The following ROBO1 variants were observed in gnomAD, a reference collection of about 807,000 sequenced individuals.
ROBO1 encodes the protein roundabout guidance receptor 1.
A neutral mutation model predicts 195.9 loss-of-function variants in ROBO1; 149 were observed. That is an observed-to-expected ratio of 0.76 (90% CI 0.67 to 0.87). ROBO1 has a LOEUF of 0.87. ROBO1 is among the 40% of genes least tolerant of loss of function. ROBO1 has a pLI of 0.00. For missense variants in ROBO1, 1,933 were observed against 2,068.3 expected (o/e 0.93, Z 1.27); for synonymous variants, 816 against 733.2 (o/e 1.11, Z -1.82).
At chr3:79,263,692 A>G (rs1472464285) in intron 2 of ROBO1, among the ~76,000 whole-genome samples, 2 of 151,902 alleles carry the variant, frequency 1.3e-5, no homozygotes, top group Non-Finnish European at 2.9e-5. Context: ...TTGCCTTTCG[A>G]TATTTTACTC....
In ROBO1 at chr3:78,618,017, T is replaced by C. The variant is rs760819159; in HGVS notation, c.3900A>G (p.Pro1300=). 6.2e-7 allele frequency: 1 copy of C among 1,613,012 alleles called. No individual in the cohort carries two copies. The highest frequency in any genetic ancestry group is 1.3e-5 in the African/African-American group (1 of 74,872). The change falls in exon 27 of 31, where the codon CCA becomes CCG. Residue 1300 remains proline, a synonymous_variant. Transcript: ENST00000464233. ...DRRRQPVSPP[P]PPRPISPPHT... ...GTGGAGGGGAGATCGGCCGTGGTGGTGGAGGAGGACTCACAGGCTGCCGTC... is the reference window on the plus strand; with the variant it reads ...GTGGAGGGGAGATCGGCCGTGGTGGCGGAGGAGGACTCACAGGCTGCCGTC...
intron 2 of ROBO1, among the ~76,000 whole-genome samples, chr3:79,195,696 G>T (rs1002079581): frequency 1.3e-5 from 2 of 151,162 alleles, no homozygotes; most frequent in African/African-American, 2.4e-5. Context: ...ACTTCCTATG[G>T]TCAATAAAAC....
At chr3:79,208,720 T>C (rs113152765) in intron 2 of ROBO1, among the ~76,000 whole-genome samples, 113 of 140,090 alleles carry the variant, frequency 8.1e-4, no homozygotes, top group Admixed American at 2.0e-3. Context: ...TGTGTGTGTG[T>C]GCGCCTGCAT....
At chr3:79,598,560 A>G (rs1483312578) in intron 1 of ROBO1, among the ~76,000 whole-genome samples, 1 of 151,970 alleles carries the variant, frequency 6.6e-6, no homozygotes, top group African/African-American at 2.4e-5. Context: ...AATTTATTTT[A>G]TTTCAATTTT....
intron 2 of ROBO1, among the ~76,000 whole-genome samples, chr3:79,464,758 AT>A (rs1330326940): frequency 6.6e-6 from 1 of 152,090 alleles, no homozygotes; most frequent in African/African-American, 2.4e-5. Flanking sequence ...AAATTCATCT[AT>A]TTTTTGTCAC....
chr3:79,129,723 A>G (rs911186646), intron 2 of ROBO1, among the ~76,000 whole-genome samples: 1 of 152,156 alleles, frequency 6.6e-6, no homozygotes, highest in Non-Finnish European at 1.5e-5. Context: ...TAACATATGC[A>G]TTACCTTACA....
At chr3:78,671,975 A>C (rs1708088112) in intron 10 of ROBO1, among the ~76,000 whole-genome samples, 1 of 152,192 alleles carries the variant, frequency 6.6e-6, no homozygotes, top group African/African-American at 2.4e-5. Flanking sequence ...TATAATTTAC[A>C]ATGTATACTT....
At chr3:79,618,820 G>GT (rs1251509922) in intron 1 of ROBO1, among the ~76,000 whole-genome samples, 1 of 152,124 alleles carries the variant, frequency 6.6e-6, no homozygotes, top group Non-Finnish European at 1.5e-5. Context: ...TGGGTAAGTG[G>GT]TTTTTTCACT....
At chr3:79,333,125 C>A (rs879527194) in intron 2 of ROBO1, among the ~76,000 whole-genome samples, 8 of 151,586 alleles carry the variant, frequency 5.3e-5, no homozygotes, top group Non-Finnish European at 1.2e-4. Context: ...ATTGCTTGAA[C>A]CTGAGAGGCG....
chr3:79,588,451 A>G (rs1041022790), intron 2 of ROBO1, among the ~76,000 whole-genome samples: 13 of 151,714 alleles, frequency 8.6e-5, no homozygotes, highest in African/African-American at 3.1e-4. Flanking sequence ...GTTGACCTGT[A>G]GGAGTTATTA....
intron 2 of ROBO1, among the ~76,000 whole-genome samples, chr3:79,178,297 C>T (rs2081288354): frequency 6.6e-6 from 1 of 152,036 alleles, no homozygotes; most frequent in Non-Finnish European, 1.5e-5. Flanking sequence ...TGAAAAATAG[C>T]AGTAAATGAA....
rs115299231 is a variant in ROBO1, at chr3:78,930,391, G to C, written c.499+8210C>G. Among the ~76,000 whole-genome samples the C allele has an allele frequency of 8.7e-3, 1,322 of 152,262 alleles. 22 individuals are homozygous for C. Among genetic ancestry groups the C allele is most frequent in the African/African-American group, 0.03 (1,266 of 41,532 alleles). ...CACAGACTGCAAGAGGCTAAACCCA[G>C]TACACTGGCCACATCATGGTTTTGG... On this transcript the variant is annotated intron_variant, in intron 4 of 30. Transcript: ENST00000464233.
chr3:79,135,645 T>C (rs932019808), intron 2 of ROBO1, among the ~76,000 whole-genome samples: 47 of 152,086 alleles, frequency 3.1e-4, no homozygotes, highest in South Asian at 2.1e-4. Flanking sequence ...ATCTTCTTTT[T>C]TTTTTTTTTG....
At chr3:78,862,580 A>G (rs2034919876) in intron 4 of ROBO1, among the ~76,000 whole-genome samples, 1 of 152,190 alleles carries the variant, frequency 6.6e-6, no homozygotes, top group Non-Finnish European at 1.5e-5. Context: ...AAATACTACA[A>G]CAAATTAAAA....
chr3:79,377,718 A>G (rs1014010632), intron 2 of ROBO1, among the ~76,000 whole-genome samples: 1 of 152,214 alleles, frequency 6.6e-6, no homozygotes, highest in Non-Finnish European at 1.5e-5. Context: ...GGGACAGCCA[A>G]GAACTGTTCC....
chr3:79,244,004 T>C (rs1395467045), intron 2 of ROBO1, among the ~76,000 whole-genome samples: 1 of 152,172 alleles, frequency 6.6e-6, no homozygotes, highest in African/African-American at 2.4e-5. Context: ...AATTAATTTT[T>C]CTATAAGGTG....
chr3:79,467,777 C>T (rs1008503575), intron 2 of ROBO1, among the ~76,000 whole-genome samples: 1 of 152,170 alleles, frequency 6.6e-6, no homozygotes, highest in Non-Finnish European at 1.5e-5. Flanking sequence ...TAAACTGTTC[C>T]TGGCTGGCAG....
chr3:79,104,955 T>A (rs1227166878), intron 3 of ROBO1, among the ~76,000 whole-genome samples: 1 of 151,746 alleles, frequency 6.6e-6, no homozygotes, highest in East Asian at 1.9e-4. Flanking sequence ...CGGCAGGTGT[T>A]TTTGGTAGAT....
At chr3:79,479,840 G>A (rs947679792) in intron 2 of ROBO1, among the ~76,000 whole-genome samples, 6 of 152,152 alleles carry the variant, frequency 3.9e-5, no homozygotes, top group Admixed American at 1.3e-4. Flanking sequence ...CTGAGCATAA[G>A]TAGCATAAGA....
Sources: gnomAD v4.1 joint callset for allele counts (sites outside exome capture counted in the v4.1 genomes callset) on GRCh38, gnomAD v4.1.1 for gene constraint, MANE v1.5 for transcripts, NCBI Gene and HGNC (gene_info 2026-07-23, HGNC 2026-07-21) for gene names.